Variants in CNTROB observed in about 807,000 individuals in gnomAD.
CNTROB encodes centrobin, centriole duplication and spindle assembly protein, also known as centrobin.
Under a neutral mutation model 115.7 loss-of-function variants are expected in CNTROB, and 82 were observed. That is an observed-to-expected ratio of 0.71 (90% confidence interval 0.59 to 0.85). The LOEUF is 0.85. Among genes scored for constraint, CNTROB ranks in the 40% least tolerant of loss-of-function variants. CNTROB has a pLI of 0.00. For synonymous variants in CNTROB, 439 were observed against 456.4 expected (o/e 0.96, Z 0.49); for missense variants, 1,014 against 1,144.4 (o/e 0.89, Z 1.64).
chr17:7,945,786 G>A lies in CNTROB; in HGVS notation c.1793G>A (p.Arg598Lys). Reference sequence around the variant, plus strand: ...CAGGAGCCCGAGAAGGAGGAGAGGAGGGTCTGGACTATGCCTCCCATGGCC... The same window carrying A: ...CAGGAGCCCGAGAAGGAGGAGAGGAAGGTCTGGACTATGCCTCCCATGGCC... ...GPQEPEKEER[R>K]VWTMPPMAVA... Residue 598 changes from arginine (R) to lysine (K), a missense_variant, in exon 13 of 19, where the codon AGG (arginine) becomes AAG (lysine). By Grantham distance (26) the Arg-to-Lys change is conservative. Coordinates refer to ENST00000563694, the MANE Select transcript of CNTROB (RefSeq NM_053051.5). The A allele has an allele frequency of 6.2e-7, 1 of 1,614,236 alleles. No homozygotes were observed.
At chr17:7,933,481 C>A in intron 1 of CNTROB, 132 bp downstream of exon 1, 2 of 946,744 alleles carry the variant, frequency 2.1e-6, no homozygotes, top group Non-Finnish European at 3.1e-6. Flanking sequence ...CTTTTAACTG[C>A]ATAGGCAGCC....
chr17:7,936,383 T>G lies in CNTROB; in HGVS notation c.612T>G (p.Ile204Met), dbSNP rs556086927. The G allele has an allele frequency of 6.7e-7, 1 of 1,501,480 alleles. No homozygotes were observed. The highest frequency in any genetic ancestry group is 2.3e-5 in the East Asian group (1 of 44,398). 93.0% of individuals were successfully genotyped at this position (1,501,480 alleles called of 1,614,324 possible). A position where few individuals can be genotyped will look rare whatever the true frequency, so the allele number is the denominator to read the frequency against. ...TTCCCCAGCATTGTGAGCGCCATAT[T>G]CAGAGCCTGCAGACCCGAGTGTTAG... is the stretch of plus-strand genomic sequence containing the variant. ...HTRRKHCERH[I>M]QSLQTRVLEL... The change falls in exon 5 of 19, where the codon ATT (isoleucine) becomes ATG (methionine). Residue 204 changes from isoleucine to methionine, a missense_variant. By Grantham distance (10) the Ile-to-Met change is conservative. Transcript: ENST00000563694.
chr17:7,945,981 C>G lies in CNTROB; in HGVS notation c.1988C>G (p.Ser663Cys), dbSNP rs757744124. The change falls in exon 13 of 19, where the codon TCC (serine) becomes TGC (cysteine). Residue 663 changes from serine to cysteine, a missense_variant. Ser to Cys is a moderately radical substitution (Grantham distance 112). Transcript: ENST00000563694. ...GAGCCCAAACCAGACCTCACTTCAT[C>G]CACAGGTAACTGGGGGCAGAAGTCA... is the stretch of plus-strand genomic sequence containing the variant. ...PLEPKPDLTS[S>C]TAGAFSALGA... The G allele has an allele frequency of 6.2e-7, 1 of 1,613,988 alleles. No homozygotes were observed. The highest frequency in any genetic ancestry group is 1.3e-5 in the African/African-American group (1 of 75,040).
intron 7 of CNTROB, 118 bp downstream of exon 7, chr17:7,937,380 C>T (rs1973308316): frequency 1.7e-6 from 2 of 1,191,526 alleles, no homozygotes; most frequent in Non-Finnish European, 2.4e-6. Flanking sequence ...CACTGTTTCC[C>T]AAAGTGTGTT....
Position 7,945,958 on chromosome 17 carries a change from G to T in CNTROB, c.1965G>T (p.Glu655Asp), listed in dbSNP as rs1369516237. The change falls in exon 13 of 19, where the codon GAG (glutamate) becomes GAT (aspartate). Residue 655 changes from glutamate to aspartate, a missense_variant. Physicochemically the swap from Glu to Asp is conservative, Grantham distance 45 (BLOSUM62 2). Transcript: ENST00000563694. ...GCCAGCATTCTTTCCAGCCCCTGGA[G>T]CCCAAACCAGACCTCACTTCATCCA... ...FQSQHSFQPL[E>D]PKPDLTSSTA... The T allele has an allele frequency of 6.2e-7, 1 of 1,614,152 alleles. No individual in the cohort carries two copies. Among genetic ancestry groups the T allele is most frequent in the South Asian group, 1.1e-5 (1 of 91,092 alleles).
Position 7,943,123 on chromosome 17 carries a change from C to T in CNTROB, c.1312-268C>T, listed in dbSNP as rs927785739. ...GCCTCAGGGTATGTTATATCAGACACGTAGAATGGATTTGATTGCTCTGTC... is the reference window on the plus strand; with the variant it reads ...GCCTCAGGGTATGTTATATCAGACATGTAGAATGGATTTGATTGCTCTGTC... On this transcript the variant is annotated intron_variant, in intron 9 of 18. Coordinates refer to ENST00000563694, the MANE Select transcript of CNTROB (RefSeq NM_053051.5). The surrounding 1 kb of genome is among the most constrained non-coding windows in gnomAD (Gnocchi z 4.7). Among the ~76,000 whole-genome samples the T allele has an allele frequency of 6.6e-6, 1 of 151,994 alleles. No individual in the cohort carries two copies. The highest frequency in any genetic ancestry group is 1.9e-4 in the East Asian group (1 of 5,186).
Position 7,933,795 on chromosome 17 carries a change from A to G in CNTROB, c.271-343A>G, listed in dbSNP as rs1350333869. On this transcript the variant is annotated intron_variant, in intron 1 of 18. Transcript: ENST00000563694. ...AACTACAACATGTTACAGAGAAGAT[A>G]GTTATTAGTATTGTATAGAAAAGGT... Among the ~76,000 whole-genome samples the G allele has an allele frequency of 3.9e-5, 6 of 152,240 alleles. No individual in the cohort carries two copies. In the South Asian group the frequency reaches 1.2e-3, roughly 31 times the overall value.
rs918516412 is a variant in CNTROB, at chr17:7,948,835, T to C, written c.2513+216T>C. On this transcript the variant is annotated intron_variant, in intron 17 of 18. Coordinates refer to ENST00000563694, the MANE Select transcript of CNTROB (RefSeq NM_053051.5). This position sits in a 1 kb window ranked among gnomAD's most constrained non-coding sequence, Gnocchi z 4.4. Reference sequence around the variant, plus strand: ...TTTTTCTTCTAAACAAAAAAATCTTTTCCCCGGGTCTCTCTACCTTCGTTT... The same window carrying C: ...TTTTTCTTCTAAACAAAAAAATCTTCTCCCCGGGTCTCTCTACCTTCGTTT... 9.6e-6 allele frequency: 14 copies of C among 1,461,156 alleles called. No homozygotes were observed. The African/African-American group carries it at 1.0e-4, about 10-fold the overall frequency. 90.5% of individuals were successfully genotyped at this position (1,461,156 alleles called of 1,614,324 possible).
chr17:7,938,001 G>GTTTT (rs368082295), intron 7 of CNTROB, among the ~76,000 whole-genome samples: 4,232 of 104,240 alleles, frequency 0.041, 454 homozygotes, highest in African/African-American at 0.13. Flanking sequence ...TTCTTTTCGT[G>GTTTT]TTTTTTTTTT....
In CNTROB at chr17:7,934,121, A is replaced by G. The variant is rs1412418490; in HGVS notation, c.271-17A>G. 1.9e-6 allele frequency: 3 copies of G among 1,609,854 alleles called. No homozygotes were observed. The African/African-American group carries it at 4.0e-5, about 22-fold the overall frequency. On this transcript the variant is annotated splice_polypyrimidine_tract_variant and intron_variant, in intron 1 of 18. Transcript: ENST00000563694. ...ATAACACAGACTGCATCTGATTTCC[A>G]TGTGGCTTTTTTCCAGGATGGTTCT...
At chr17:7,941,830 G>A (rs1244669368) in intron 9 of CNTROB, among the ~76,000 whole-genome samples, 3 of 151,980 alleles carry the variant, frequency 2.0e-5, no homozygotes, top group Non-Finnish European at 4.4e-5. Context: ...GGGTATAGTG[G>A]CATGCACCTG....
rs752151217 is a variant in CNTROB at position 7,936,414 on chromosome 17, C to CA, written c.644dup (p.Gln216AlafsTer18). On this transcript the variant is annotated frameshift_variant, in exon 5 of 19. Coordinates refer to ENST00000563694, the MANE Select transcript of CNTROB (RefSeq NM_053051.5). LOFTEE classifies it high-confidence loss of function. ...CCTGCAGACCCGAGTGTTAGAGCTACAGCAACAATTAGCCGTGGCTGTGGC... is the reference window on the plus strand; with the variant it reads ...CCTGCAGACCCGAGTGTTAGAGCTACAAGCAACAATTAGCCGTGGCTGTGGC... 2 of 1,574,412 alleles carry CA rather than the reference C, an allele frequency of 1.3e-6. No homozygotes were observed. The highest frequency in any genetic ancestry group is 1.7e-6 in the Non-Finnish European group (2 of 1,143,812).
rs1567918674 is a variant in CNTROB at position 7,939,636 on chromosome 17, C to T, written c.1051C>T (p.Leu351Phe). 3 of 1,614,034 alleles carry T rather than the reference C, an allele frequency of 1.9e-6. No homozygotes were observed. The highest frequency in any genetic ancestry group is 1.7e-4 in the Middle Eastern group (1 of 6,060). ...GAGTGAGCATCGAGAGTTGGAGACT[C>T]TTCGGGCTGCCCTAGAAGAAGAACG... ...QLSEHRELET[L>F]RAALEEERQT... The change falls in exon 8 of 19, where the codon CTT becomes TTT. Residue 351 changes from leucine (L) to phenylalanine (F), a missense_variant. Transcript: ENST00000563694. The surrounding 1 kb of genome is among the most constrained non-coding windows in gnomAD (Gnocchi z 4.4).
In CNTROB at chr17:7,948,482, G is replaced by A. The variant is rs937014072; in HGVS notation, c.2381-5G>A. ...GACGCCTGTGATTATTGCGATGTCT[G>A]TCAGGTGGAGATGGGCTTACATTCC... On this transcript the variant is annotated splice_region_variant and splice_polypyrimidine_tract_variant and intron_variant, in intron 16 of 18. Transcript: ENST00000563694. The surrounding 1 kb of genome is among the most constrained non-coding windows in gnomAD (Gnocchi z 4.4). 1 of 1,613,998 alleles carries A rather than the reference G, an allele frequency of 6.2e-7. No individual in the cohort carries two copies. Among genetic ancestry groups the A allele is most frequent in the African/African-American group, 1.3e-5 (1 of 74,922 alleles).
At position 7,944,704 on chromosome 17, in the gene CNTROB, G is replaced by A; in HGVS notation, c.1734+66G>A. ...TATTTTTATTTTTATTTTTGAGACAGGGTCTCACTCTTGCCCAGGCTGGAG... is the reference window on the plus strand; with the variant it reads ...TATTTTTATTTTTATTTTTGAGACAAGGTCTCACTCTTGCCCAGGCTGGAG... On this transcript the variant is annotated intron_variant, in intron 12 of 18. Coordinates refer to ENST00000563694, the MANE Select transcript of CNTROB (RefSeq NM_053051.5). This position sits in a 1 kb window ranked among gnomAD's most constrained non-coding sequence, Gnocchi z 4.0. 1.3e-6 allele frequency: 2 copies of A among 1,526,436 alleles called. No homozygotes were observed. The highest frequency in any genetic ancestry group is 1.8e-6 in the Non-Finnish European group (2 of 1,129,862). 94.6% of individuals were successfully genotyped at this position (1,526,436 alleles called of 1,614,324 possible).
intron 6 of CNTROB, 122 bp from the exon 7 acceptor site, chr17:7,937,042 C>G (rs1973265186): frequency 3.2e-6 from 4 of 1,252,896 alleles, no homozygotes; most frequent in Middle Eastern, 1.9e-4. Flanking sequence ...AGTCTTCTAT[C>G]TGGCCCCTTA....
At chr17:7,936,199 G>A (rs751200112) in intron 4 of CNTROB, 167 bp from the exon 5 acceptor site, 7 of 622,426 alleles carry the variant, frequency 1.1e-5, no homozygotes, top group Non-Finnish European at 2.0e-5. Context: ...TGAGCCTCAA[G>A]GTGCTTGCTT....
At position 7,939,477 on chromosome 17, in the gene CNTROB, CCTA is replaced by C. The variant is rs1567917986; in HGVS notation, c.928-32_928-30del. On this transcript the variant is annotated intron_variant, in intron 7 of 18. Transcript: ENST00000563694. The surrounding 1 kb of genome is among the most constrained non-coding windows in gnomAD (Gnocchi z 4.4). ...GGGCAGATCGCTGGTCTCTGAAGAG[CCTA>C]CTAAGGAGCTTGGTTTTCTTCTGCG... 2.6e-6 allele frequency: 4 copies of C among 1,568,388 alleles called. No individual in the cohort carries two copies. Among genetic ancestry groups the C allele is most frequent in the Non-Finnish European group, 3.5e-6 (4 of 1,139,816 alleles).
chr17:7,938,858 A>C (rs1463138151), intron 7 of CNTROB, among the ~76,000 whole-genome samples: 1 of 152,180 alleles, frequency 6.6e-6, no homozygotes, highest in East Asian at 1.9e-4. Flanking sequence ...GGCTCACTGC[A>C]ACCTCCGCCT....
Sources: allele counts gnomAD v4.1 joint callset (sites outside exome capture counted in the v4.1 genomes callset), GRCh38; gene constraint gnomAD v4.1.1; non-coding constraint Gnocchi (gnomAD v3.1); transcripts MANE v1.5; gene names NCBI Gene and HGNC (gene_info 2026-07-23, HGNC 2026-07-21).